The following GOLGA6L9 variants were observed in gnomAD, a reference collection of about 807,000 sequenced individuals.
GOLGA6L9 encodes the protein golgin A6 family like 9.
A neutral mutation model predicts 51.3 loss-of-function variants in GOLGA6L9; 19 were observed. That is an observed-to-expected ratio of 0.37 (90% confidence interval 0.26 to 0.54). The LOEUF is 0.54. Ranked by LOEUF, GOLGA6L9 falls within the 20% of genes least tolerant of loss-of-function variation. The probability of loss-of-function intolerance (pLI) is 0.83; values close to 1 mark genes in which losing one functional copy is unlikely to be tolerated. For missense variants in GOLGA6L9, 247 were observed against 464.1 expected (o/e 0.53, Z 4.30); for synonymous variants, 97 against 184.2 (o/e 0.53, Z 3.83).
In GOLGA6L9 at chr15:82,436,412, G is replaced by C. The variant is rs1222482718; in HGVS notation, c.*1G>C. On this transcript the variant is annotated 3_prime_UTR_variant, in exon 9 of 9. Coordinates refer to ENST00000618348, the MANE Select transcript of GOLGA6L9 (RefSeq NM_198181.4). Reference sequence around the variant, plus strand: ...GGAGCTAAACATCACCATCATCTAAGAGCGGGTCAAGAAATTGAAAAAAAA... The same window carrying C: ...GGAGCTAAACATCACCATCATCTAACAGCGGGTCAAGAAATTGAAAAAAAA... The C allele has an allele frequency of 2.1e-4, 335 of 1,588,758 alleles. 6 individuals carry two copies. In the African/African-American group the frequency reaches 3.9e-3, roughly 18 times the overall value.
upstream of GOLGA6L9, among the ~76,000 whole-genome samples, chr15:82,427,346 C>T (rs2031230152): frequency 7.3e-6 from 1 of 137,282 alleles, no homozygotes; most frequent in Admixed American, 7.6e-5. Context: ...CTCTCTTTTT[C>T]TTTCTTCTTT....
the GOLGA6L9 span, among the ~76,000 whole-genome samples, chr15:82,417,145 A>T: frequency 6.6e-6 from 1 of 152,256 alleles, no homozygotes; most frequent in African/African-American, 2.4e-5. Flanking sequence ...AAGTGATTAT[A>T]AAGCAAATGC....
rs1448660659 is a variant in GOLGA6L9 at position 82,432,872 on chromosome 15, A to G, written c.320A>G (p.Gln107Arg). 6.2e-6 allele frequency: 10 copies of G among 1,612,182 alleles called. No homozygotes were observed. Among genetic ancestry groups the G allele is most frequent in the Non-Finnish European group, 6.8e-6 (8 of 1,179,754 alleles). The change falls in exon 4 of 9, where the codon CAA becomes CGA. Residue 107 changes from glutamine (Q) to arginine (R), a missense_variant. Transcript: ENST00000618348. ...ALDSSSAIISQLTENINSLVR... is the reference protein window; with the variant it reads ...ALDSSSAIISRLTENINSLVR... The stretch of plus-strand genomic sequence containing the variant: ...GATTCAAGCTCCGCAATAATCAGTC[A>G]ACTCACTGAAAACATCAATTCACTG...
At position 82,437,706 on chromosome 15, in the gene GOLGA6L9, G is replaced by A. The variant is rs1188690416; in HGVS notation, c.*1295G>A. 2 of 148,052 alleles carry A rather than the reference G, an allele frequency of 1.4e-5. No individual in the cohort carries two copies. Among genetic ancestry groups the A allele is most frequent in the African/African-American group, 5.0e-5 (2 of 39,680 alleles). The allele number at this position is 148,052 out of a possible 1,614,324, so 9.2% of individuals were successfully genotyped here. A position where few individuals can be genotyped will look rare whatever the true frequency, so the allele number is the denominator to read the frequency against. On this transcript the variant is annotated 3_prime_UTR_variant, in exon 9 of 9. Coordinates refer to ENST00000618348, the MANE Select transcript of GOLGA6L9 (RefSeq NM_198181.4). ...TTATTATAAACTAATATATGTGAGA[G>A]TACTTAGTTGAAACAAAAAGGAGTT...
In GOLGA6L9 at chr15:82,436,447, A is replaced by G. The variant is rs1299749414; in HGVS notation, c.*36A>G. Reference sequence around the variant, plus strand: ...AGAAATTGAAAAAAAAAAACAAAACATTTAAGGGGTTAATATCCTACACAA... The same window carrying G: ...AGAAATTGAAAAAAAAAAACAAAACGTTTAAGGGGTTAATATCCTACACAA... On this transcript the variant is annotated 3_prime_UTR_variant, in exon 9 of 9. Transcript: ENST00000618348. 9.2e-6 allele frequency: 14 copies of G among 1,515,868 alleles called. No homozygotes were observed. The highest frequency in any genetic ancestry group is 6.8e-5 in the African/African-American group (5 of 73,506). The allele number at this position is 1,515,868 out of a possible 1,614,324, so 93.9% of individuals were successfully genotyped here.
Position 82,438,257 on chromosome 15 carries a change from C to T in GOLGA6L9, c.*1846C>T, listed in dbSNP as rs2031784607. 1.3e-5 allele frequency: 2 copies of T among 149,244 alleles called. No individual in the cohort carries two copies. The highest frequency in any genetic ancestry group is 5.0e-5 in the African/African-American group (2 of 40,392). 9.2% of individuals were successfully genotyped at this position (149,244 alleles called of 1,614,324 possible). On this transcript the variant is annotated 3_prime_UTR_variant, in exon 9 of 9. Coordinates refer to ENST00000618348, the MANE Select transcript of GOLGA6L9 (RefSeq NM_198181.4). Reference sequence around the variant, plus strand: ...TCAGATAGCATTTAGCAACTGTAACCAATCTGACAATAATGTGTTCATCAG... The same window carrying T: ...TCAGATAGCATTTAGCAACTGTAACTAATCTGACAATAATGTGTTCATCAG...
chr15:82,437,772 A>G lies in GOLGA6L9; in HGVS notation c.*1361A>G, dbSNP rs1415332456. 10 of 151,080 alleles carry G rather than the reference A, an allele frequency of 6.6e-5. 1 individual carries two copies. The highest frequency in any genetic ancestry group is 2.4e-4 in the African/African-American group (10 of 40,902). The allele number at this position is 151,080 out of a possible 1,614,324, so 9.4% of individuals were successfully genotyped here. A position where few individuals can be genotyped will look rare whatever the true frequency, so the allele number is the denominator to read the frequency against. On this transcript the variant is annotated 3_prime_UTR_variant, in exon 9 of 9. Coordinates refer to ENST00000618348, the MANE Select transcript of GOLGA6L9 (RefSeq NM_198181.4). ...ATACTACATTTGAAAATCAAGGAGC[A>G]GTTTATGCAACGTAAAACGTTTACA...
rs1336371603 is a variant in GOLGA6L9 at position 82,434,182 on chromosome 15, C to G, written c.582C>G (p.Asn194Lys). Reference protein sequence around the residue: ...VENNQMLSLLNRRQEERLREQ... With the variant: ...VENNQMLSLLKRRQEERLREQ... ...ACAATCAGATGTTGAGTCTCCTGAA[C>G]AGGAGACAGGAGGAGAGGCTACGTG... The change falls in exon 6 of 9, where the codon AAC becomes AAG. Residue 194 changes from asparagine to lysine, a missense_variant. Physicochemically the swap from Asn to Lys is moderately conservative, Grantham distance 94. Transcript: ENST00000618348. 1.9e-6 allele frequency: 3 copies of G among 1,544,038 alleles called. No homozygotes were observed. The highest frequency in any genetic ancestry group is 2.8e-5 in the African/African-American group (2 of 72,356).
At chr15:82,427,358 CCT>C (rs1326035296), upstream of GOLGA6L9, among the ~76,000 whole-genome samples, 28 of 147,482 alleles carry the variant, frequency 1.9e-4, no homozygotes, top group South Asian at 8.7e-4. Flanking sequence ...TTCTTCTTTC[CCT>C]CTCTCTCTTT....
upstream of GOLGA6L9, among the ~76,000 whole-genome samples, chr15:82,429,428 A>G (rs2031319475): frequency 1.4e-5 from 2 of 147,380 alleles, no homozygotes; most frequent in Admixed American, 1.3e-4. Context: ...TTTAAAAGAA[A>G]TCTTAACAAT....
chr15:82,418,508 A>T, the GOLGA6L9 span: 1 of 152,220 alleles, frequency 6.6e-6, no homozygotes, highest in Non-Finnish European at 1.5e-5. Context: ...TAGGCATGCT[A>T]TCTGTGTATT....
chr15:82,416,976 C>T, the GOLGA6L9 span, among the ~76,000 whole-genome samples: 1 of 152,124 alleles, frequency 6.6e-6, no homozygotes, highest in African/African-American at 2.4e-5. Flanking sequence ...CAGAAAGAAA[C>T]CCCATGCCCA....
At chr15:82,420,817 T>TTTTTG in the GOLGA6L9 span, among the ~76,000 whole-genome samples, 459 of 151,932 alleles carry the variant, frequency 3.0e-3, no homozygotes, top group African/African-American at 0.01. Context: ...AGAGGGGTTT[T>TTTTTG]TTTTGTTTTG....
chr15:82,427,623 C>T (rs2031238646), upstream of GOLGA6L9, among the ~76,000 whole-genome samples: 2 of 151,904 alleles, frequency 1.3e-5, no homozygotes, highest in Non-Finnish European at 2.9e-5. Context: ...AACTCCTCGC[C>T]TCAAGCAATT....
the GOLGA6L9 span, chr15:82,419,346 G>A: frequency 2.0e-5 from 3 of 148,654 alleles, no homozygotes; most frequent in African/African-American, 7.4e-5. Flanking sequence ...AGACATTTTA[G>A]TGTTTTTTTT....
chr15:82,419,348 G>GTT, the GOLGA6L9 span: 63 of 138,394 alleles, frequency 4.6e-4, no homozygotes, highest in Middle Eastern at 3.3e-3. Context: ...ACATTTTAGT[G>GTT]TTTTTTTTTT....
chr15:82,437,783 C>G lies in GOLGA6L9; in HGVS notation c.*1372C>G, dbSNP rs1472250216. Reference sequence around the variant, plus strand: ...GAAAATCAAGGAGCAGTTTATGCAACGTAAAACGTTTACAAACTGCAGCAC... The same window carrying G: ...GAAAATCAAGGAGCAGTTTATGCAAGGTAAAACGTTTACAAACTGCAGCAC... On this transcript the variant is annotated 3_prime_UTR_variant, in exon 9 of 9. Transcript: ENST00000618348. 1 of 150,870 alleles carries G rather than the reference C, an allele frequency of 6.6e-6. No homozygotes were observed. The highest frequency in any genetic ancestry group is 1.5e-5 in the Non-Finnish European group (1 of 67,740). The allele number at this position is 150,870 out of a possible 1,614,324, so 9.3% of individuals were successfully genotyped here.
the GOLGA6L9 span, among the ~76,000 whole-genome samples, chr15:82,416,413 T>A: frequency 6.6e-6 from 1 of 152,148 alleles, no homozygotes; most frequent in South Asian, 2.1e-4. Context: ...GTAAAGAAAC[T>A]GTTTTAGAAT....
chr15:82,439,116 A>C lies in GOLGA6L9; in HGVS notation c.*2705A>C, dbSNP rs1468975621. On this transcript the variant is annotated 3_prime_UTR_variant, in exon 9 of 9. Coordinates refer to ENST00000618348, the MANE Select transcript of GOLGA6L9 (RefSeq NM_198181.4). ...CTGTGATGCTACTATAATGTAATAC[A>C]TTATTAAATTGTTTCAAGGTGCTGT... 6.6e-6 allele frequency: 1 copy of C among 151,858 alleles called. No individual in the cohort carries two copies. Among genetic ancestry groups the C allele is most frequent in the Non-Finnish European group, 1.5e-5 (1 of 67,998 alleles). 9.4% of individuals were successfully genotyped at this position (151,858 alleles called of 1,614,324 possible).
Sources: allele counts gnomAD v4.1 joint callset (sites outside exome capture counted in the v4.1 genomes callset), GRCh38; gene constraint gnomAD v4.1.1; transcripts MANE v1.5; gene names NCBI Gene and HGNC (gene_info 2026-07-23, HGNC 2026-07-21).